Variants in CELF4 observed in about 807,000 individuals in gnomAD.
The protein encoded by CELF4 is CUG-BP- and ETR-3-like factor 4.
A neutral mutation model predicts 59.9 loss-of-function variants in CELF4; 18 were observed. That is an observed-to-expected ratio of 0.30 (90% CI 0.21 to 0.45). CELF4 has a LOEUF of 0.45. CELF4 is among the 20% of genes least tolerant of loss of function. CELF4 has a pLI of 1.00. For synonymous variants in CELF4, 261 were observed against 267.1 expected (o/e 0.98, Z 0.22); for missense variants, 456 against 689.0 (o/e 0.66, Z 3.79).
chr18:37,459,867 T>C (rs544631401), intron 2 of CELF4, among the ~76,000 whole-genome samples: 9 of 152,170 alleles, frequency 5.9e-5, no homozygotes, highest in African/African-American at 9.7e-5. Context: ...AACTTGTTTT[T>C]TGTGTGTGTG....
Position 37,243,193 on chromosome 18 carries a change from T to TC in CELF4, c.*2048_*2049insG, listed in dbSNP as rs1288202331. The TC allele has an allele frequency of 3.4e-5, 5 of 147,456 alleles. No homozygotes were observed. The highest frequency in any genetic ancestry group is 7.5e-5 in the African/African-American group (3 of 40,156). The allele number at this position is 147,456 out of a possible 1,614,324, so 9.1% of individuals were successfully genotyped here. On this transcript the variant is annotated 3_prime_UTR_variant, in exon 13 of 13. Transcript: ENST00000420428. ...TTTTTTTTTTCTTTTTTTCTTTTTT[T>TC]TTTTTTTTTTTTTACATCTGGACAT...
chr18:37,251,089 T>C (rs1452852422), intron 12 of CELF4, among the ~76,000 whole-genome samples: 2 of 152,136 alleles, frequency 1.3e-5, no homozygotes, highest in African/African-American at 4.8e-5. Flanking sequence ...CTTGGCTCTG[T>C]GACTCACTAG....
intron 2 of CELF4, among the ~76,000 whole-genome samples, chr18:37,363,520 G>T (rs532719271): frequency 6.6e-6 from 1 of 152,146 alleles, no homozygotes; most frequent in Admixed American, 6.5e-5. Context: ...ACACAATGAG[G>T]GGTGGCAGGT....
intron 1 of CELF4, among the ~76,000 whole-genome samples, chr18:37,563,654 T>C (rs1036416158): frequency 8.5e-5 from 13 of 152,174 alleles, no homozygotes; most frequent in African/African-American, 3.1e-4. Flanking sequence ...TTCCAATCTC[T>C]CTTTTGAACA....
chr18:37,266,554 C>G lies in CELF4; in HGVS notation c.1144G>C (p.Gly382Arg). 6.3e-7 allele frequency: 1 copy of G among 1,596,922 alleles called. No homozygotes were observed. Among genetic ancestry groups the G allele is most frequent in the Non-Finnish European group, 8.5e-7 (1 of 1,173,258 alleles). Residue 382 changes from glycine (G) to arginine (R), a missense_variant, in exon 9 of 13, where the codon GGA (glycine) becomes CGA (arginine). By Grantham distance (125) the Gly-to-Arg change is moderately radical. Coordinates refer to ENST00000420428, the MANE Select transcript of CELF4 (RefSeq NM_020180.4). ...AADPLQQAYA[G>R]VQQYAGPAAY... is the part of the protein sequence containing the mutation. ...TAACGACCTGCATACTGCTGCACTC[C>G]GGCGTAGGCCTGCTGCAGGGGGTCC...
In CELF4 at chr18:37,265,649, G is replaced by C. The variant is rs115634854; in HGVS notation, c.1165+884C>G. ...GGCCTGAGGTAGGACAGGAGTGGCC[G>C]GCTCCCTCCTCTGCCTGGCCTGGCT... On this transcript the variant is annotated intron_variant, in intron 9 of 12. Coordinates refer to ENST00000420428, the MANE Select transcript of CELF4 (RefSeq NM_020180.4). Among the ~76,000 whole-genome samples, 3 of 152,246 alleles carry C rather than the reference G, an allele frequency of 2.0e-5. No homozygotes were observed. In the South Asian group the frequency reaches 6.2e-4, roughly 32 times the overall value.
rs568686466 is a variant in CELF4, at chr18:37,387,402, A to T, written c.370-65521T>A. ...GTGGGATGAGGCCTGGATACCCAGA[A>T]CCACACGCAGCCAACTGCTTCCTTG... On this transcript the variant is annotated intron_variant, in intron 2 of 12. Transcript: ENST00000420428. 2.0e-5 allele frequency among the ~76,000 whole-genome samples: 3 copies of T among 152,300 alleles called. No homozygotes were observed. The South Asian group carries it at 6.2e-4, about 32-fold the overall frequency.
At position 37,270,794 on chromosome 18, in the gene CELF4, A is replaced by T. The variant is rs752173453; in HGVS notation, c.1073T>A (p.Phe358Tyr). ...TGGGTAGGGGTGGATGCCATTGGCG[A>T]ACACAGCTTCCGCAGCAGGTTGCCC... is the stretch of plus-strand genomic sequence containing the variant. ...ANGQPAAEAVFANGIHPYPAQ... is the reference protein window; with the variant it reads ...ANGQPAAEAVYANGIHPYPAQ... Residue 358 changes from phenylalanine to tyrosine, a missense_variant, in exon 8 of 13, where the codon TTC (phenylalanine) becomes TAC (tyrosine). Physicochemically the swap from Phe to Tyr is conservative, Grantham distance 22. Around this residue, in one of 7 missense-constraint regions of CELF4, gnomAD observed 256 missense variants for 340.8 expected, o/e 0.75. Transcript: ENST00000420428. The T allele has an allele frequency of 6.2e-7, 1 of 1,614,050 alleles. No homozygotes were observed. Among genetic ancestry groups the T allele is most frequent in the South Asian group, 1.1e-5 (1 of 91,074 alleles).
At chr18:37,526,479 T>C (rs2099963937) in intron 1 of CELF4, among the ~76,000 whole-genome samples, 1 of 152,216 alleles carries the variant, frequency 6.6e-6, no homozygotes. Flanking sequence ...TTCTGTCCTA[T>C]AGGGGCCAGA....
At chr18:37,361,251 C>T (rs932330870) in intron 2 of CELF4, among the ~76,000 whole-genome samples, 4 of 152,172 alleles carry the variant, frequency 2.6e-5, no homozygotes, top group African/African-American at 9.6e-5. Context: ...AGAGTTAAAC[C>T]AAGAGCTAAA....
chr18:37,565,570 G>C lies in CELF4; in HGVS notation c.72C>G (p.Gly24=). The change falls in exon 1 of 13, where the codon GGC becomes GGG. Residue 24 remains glycine (G), a synonymous_variant. Transcript: ENST00000420428. The stretch of plus-strand genomic sequence containing the variant: ...TGTGCCCGGCACTGCCCGGGCTGCT[G>C]CCGAGCCCGTTGGTACTGAGGCTTG... ...DNASLSTNGL[G]SSPGSAGHMN... 1 of 1,614,086 alleles carries C rather than the reference G, an allele frequency of 6.2e-7. No homozygotes were observed. The highest frequency in any genetic ancestry group is 8.5e-7 in the Non-Finnish European group (1 of 1,179,976).
Position 37,565,662 on chromosome 18 carries a change from T to A in CELF4, c.-21A>T, listed in dbSNP as rs1178953578. 6.4e-7 allele frequency: 1 copy of A among 1,556,300 alleles called. No individual in the cohort carries two copies. Among genetic ancestry groups the A allele is most frequent in the Non-Finnish European group, 8.7e-7 (1 of 1,151,310 alleles). Reference sequence around the variant, plus strand: ...TACATAGAGAAAATCTTCTTTCCTTTTATTCTTTCTCGCTCACACTCTCTC... The same window carrying A: ...TACATAGAGAAAATCTTCTTTCCTTATATTCTTTCTCGCTCACACTCTCTC... On this transcript the variant is annotated 5_prime_UTR_variant, in exon 1 of 13. Coordinates refer to ENST00000420428, the MANE Select transcript of CELF4 (RefSeq NM_020180.4).
chr18:37,564,174 C>G (rs1175965156), intron 1 of CELF4, among the ~76,000 whole-genome samples: 1 of 152,200 alleles, frequency 6.6e-6, no homozygotes, highest in African/African-American at 2.4e-5. Context: ...CCTACAACTT[C>G]CTTAGCCCCG....
chr18:37,244,564 GTTGTTTTTTTTGTTTT>G lies in CELF4; in HGVS notation c.*662_*677del, dbSNP rs1441234546. 3.4e-5 allele frequency: 4 copies of G among 118,922 alleles called. No individual in the cohort carries two copies. Among genetic ancestry groups the G allele is most frequent in the Non-Finnish European group, 5.0e-5 (3 of 59,678 alleles). The allele number at this position is 118,922 out of a possible 1,614,324, so 7.4% of individuals were successfully genotyped here. On this transcript the variant is annotated 3_prime_UTR_variant, in exon 13 of 13. Coordinates refer to ENST00000420428, the MANE Select transcript of CELF4 (RefSeq NM_020180.4). ...TTGAAGCGTTATTTTTCCTTTTTTTGTTGTTTTTTTTGTTTTTTGTTTTTTTTTTAATTTTTTATTA... is the reference window on the plus strand; with the variant it reads ...TTGAAGCGTTATTTTTCCTTTTTTTGTTGTTTTTTTTTTAATTTTTTATTA...
intron 2 of CELF4, among the ~76,000 whole-genome samples, chr18:37,418,565 T>C (rs1243635610): frequency 6.6e-6 from 1 of 152,216 alleles, no homozygotes; most frequent in African/African-American, 2.4e-5. Context: ...GAAAAAGCAG[T>C]GAAGAAGGAC....
chr18:37,255,072 T>C (rs1310850161), intron 11 of CELF4, among the ~76,000 whole-genome samples: 1 of 152,132 alleles, frequency 6.6e-6, no homozygotes, highest in East Asian at 1.9e-4. Flanking sequence ...CATTCGACTT[T>C]AGAGGCCTTT....
intron 3 of CELF4, among the ~76,000 whole-genome samples, chr18:37,291,493 C>T (rs1199836743): frequency 6.6e-6 from 1 of 152,160 alleles, no homozygotes; most frequent in Admixed American, 6.5e-5. Context: ...TGAAACTCAC[C>T]TTGGATTTAA....
chr18:37,410,847 G>A (rs539590983), intron 2 of CELF4, among the ~76,000 whole-genome samples: 5 of 152,342 alleles, frequency 3.3e-5, no homozygotes, highest in Admixed American at 3.3e-4. Flanking sequence ...CTCAAGGCCT[G>A]AAGTGGAAAT....
intron 2 of CELF4, among the ~76,000 whole-genome samples, chr18:37,331,678 C>A (rs2097547726): frequency 6.7e-6 from 1 of 150,290 alleles, no homozygotes; most frequent in African/African-American, 2.4e-5. Context: ...CATGACAGGG[C>A]TCACATCCTT....
Sources: allele counts gnomAD v4.1 joint callset (sites outside exome capture counted in the v4.1 genomes callset), GRCh38; gene constraint gnomAD v4.1.1; regional missense constraint gnomAD v4.1.1; transcripts MANE v1.5; gene names NCBI Gene and HGNC (gene_info 2026-07-23, HGNC 2026-07-21).